Variants in CERS3 observed in about 807,000 individuals in gnomAD.
CERS3 encodes the protein LAG1 homolog, ceramide synthase 3.
In CERS3, 33 loss-of-function variants were observed where a neutral mutation model predicts 50.3. The observed-to-expected ratio is 0.66, with a 90% CI of 0.50 to 0.88. The LOEUF is 0.88. Among genes scored for constraint, CERS3 ranks in the 40% least tolerant of loss-of-function variants. CERS3 has a pLI of 0.00. For synonymous variants in CERS3, 176 were observed against 155.2 expected (o/e 1.13, Z -0.99); for missense variants, 470 against 460.3 (o/e 1.02, Z -0.19).
intron 1 of CERS3, among the ~76,000 whole-genome samples, chr15:100,525,525 T>C (rs368335756): frequency 6.6e-6 from 1 of 152,332 alleles, no homozygotes; most frequent in East Asian, 1.9e-4. Flanking sequence ...ATTATGATAA[T>C]AACAACCTTT....
chr15:100,473,776 G>A (rs757245550), intron 8 of CERS3, among the ~76,000 whole-genome samples: 1 of 152,146 alleles, frequency 6.6e-6, no homozygotes, highest in South Asian at 2.1e-4. Context: ...TTACCATATG[G>A]CCCAGCAATT....
At chr15:100,462,039 C>G (rs1450604582) in intron 10 of CERS3, among the ~76,000 whole-genome samples, 1 of 152,200 alleles carries the variant, frequency 6.6e-6, no homozygotes, top group East Asian at 1.9e-4. Context: ...CACGTGCATA[C>G]ATGTGTGCAG....
chr15:100,444,345 G>C (rs977137530), intron 11 of CERS3, among the ~76,000 whole-genome samples: 3 of 142,172 alleles, frequency 2.1e-5, no homozygotes, highest in East Asian at 2.1e-4. Context: ...TTCCTGGCCC[G>C]GACTTCAATC....
intron 2 of CERS3, among the ~76,000 whole-genome samples, chr15:100,507,604 G>A (rs1200311988): frequency 1.3e-5 from 2 of 152,182 alleles, no homozygotes; most frequent in African/African-American, 4.8e-5. Flanking sequence ...ATGTCATTTT[G>A]GACATGCCAC....
chr15:100,450,998 T>C (rs568082441), intron 11 of CERS3, among the ~76,000 whole-genome samples: 2 of 152,160 alleles, frequency 1.3e-5, no homozygotes, highest in Non-Finnish European at 2.9e-5. Context: ...TTTCCAGATA[T>C]GCAAAAACTA....
At chr15:100,417,278 A>ACTC (rs2032000013) in intron 11 of CERS3, among the ~76,000 whole-genome samples, 1 of 151,850 alleles carries the variant, frequency 6.6e-6, no homozygotes, top group African/African-American at 2.4e-5. Context: ...GGGAAGAGCA[A>ACTC]GGGGTCGGGG....
At chr15:100,509,288 C>T (rs1567672274) in intron 2 of CERS3, among the ~76,000 whole-genome samples, 1 of 152,176 alleles carries the variant, frequency 6.6e-6, no homozygotes, top group Non-Finnish European at 1.5e-5. Flanking sequence ...TTTGAAGCAA[C>T]ATTTTTGTAA....
rs141788052 is a variant in CERS3, at chr15:100,503,943, G to T, written c.-1-2093C>A. 1.2e-3 allele frequency: 420 copies of T among 358,116 alleles called. 1 individual carries two copies. The highest frequency in any genetic ancestry group is 8.1e-3 in the African/African-American group (380 of 47,044). The allele number at this position is 358,116 out of a possible 1,614,324, so 22.2% of individuals were successfully genotyped here. On this transcript the variant is annotated intron_variant, in intron 2 of 11. Transcript: ENST00000679737. ...AAAACTCAAGGGAGTGAAGGTCAAAGACATGTGTGTTGGGAGTGAGGCCCG... is the reference window on the plus strand; with the variant it reads ...AAAACTCAAGGGAGTGAAGGTCAAATACATGTGTGTTGGGAGTGAGGCCCG...
At chr15:100,470,826 G>A (rs11634135) in intron 9 of CERS3, among the ~76,000 whole-genome samples, 65,214 of 151,940 alleles carry the variant, frequency 0.43, 14,707 homozygotes, top group Middle Eastern at 0.52. Flanking sequence ...ACGAGTGAGA[G>A]TGGTAGATGT....
chr15:100,528,132 C>T (rs574287699), intron 1 of CERS3, among the ~76,000 whole-genome samples: 54 of 152,352 alleles, frequency 3.5e-4, no homozygotes, highest in Admixed American at 1.1e-3. Flanking sequence ...CTTAACAGAA[C>T]ATTCTTGCTA....
At chr15:100,537,540 A>C (rs2037103213) in intron 1 of CERS3, among the ~76,000 whole-genome samples, 1 of 152,200 alleles carries the variant, frequency 6.6e-6, no homozygotes, top group Non-Finnish European at 1.5e-5. Flanking sequence ...GAAGCAAGGC[A>C]GCAGAAAGGA....
intron 11 of CERS3, among the ~76,000 whole-genome samples, chr15:100,442,239 C>T (rs1339699644): frequency 6.6e-6 from 1 of 152,178 alleles, no homozygotes; most frequent in Admixed American, 6.5e-5. Flanking sequence ...AGACACTTTA[C>T]AGCCCTAGAC....
chr15:100,461,284 C>A (rs906193846), intron 10 of CERS3, among the ~76,000 whole-genome samples: 1 of 152,098 alleles, frequency 6.6e-6, no homozygotes, highest in Non-Finnish European at 1.5e-5. Flanking sequence ...ACTAGAGGCT[C>A]CCAGGAGACA....
intron 2 of CERS3, chr15:100,503,947 T>C (rs2036087980): frequency 5.6e-6 from 2 of 355,778 alleles, no homozygotes; most frequent in Non-Finnish European, 1.1e-5. Flanking sequence ...GTCAAAGACA[T>C]GTGTGTTGGG....
intron 11 of CERS3, among the ~76,000 whole-genome samples, chr15:100,443,135 C>T (rs1170640738): frequency 6.6e-6 from 1 of 151,330 alleles, no homozygotes; most frequent in African/African-American, 2.4e-5. Flanking sequence ...TCTTCCCAAT[C>T]CAAAGCCTCC....
intron 2 of CERS3, among the ~76,000 whole-genome samples, chr15:100,502,266 A>AG (rs2036032427): frequency 7.3e-6 from 1 of 136,684 alleles, no homozygotes; most frequent in African/African-American, 2.6e-5. Flanking sequence ...AAAAAAAAAA[A>AG]AAAAGAAAGA....
chr15:100,489,353 T>C (rs1382160202), intron 4 of CERS3, among the ~76,000 whole-genome samples: 2 of 152,152 alleles, frequency 1.3e-5, no homozygotes, highest in Non-Finnish European at 2.9e-5. Flanking sequence ...CTCATCTTAA[T>C]CATGAAAAAG....
chr15:100,502,216 G>T (rs2036027320), intron 2 of CERS3, among the ~76,000 whole-genome samples: 1 of 130,004 alleles, frequency 7.7e-6, no homozygotes, highest in African/African-American at 2.9e-5. Flanking sequence ...CTGTACTCCA[G>T]CCTGGCGACA....
Position 100,453,820 on chromosome 15 carries a change from C to T in CERS3, c.999+2073G>A, listed in dbSNP as rs531407789. Among the ~76,000 whole-genome samples the T allele has an allele frequency of 6.6e-5, 10 of 152,182 alleles. 1 individual carries two copies. The South Asian group carries it at 2.1e-3, about 32-fold the overall frequency. On this transcript the variant is annotated intron_variant, in intron 11 of 11. Coordinates refer to ENST00000679737, the MANE Select transcript of CERS3 (RefSeq NM_001378789.1). ...GTAAAGTTACAGGATACAAATTCAA[C>T]ATAAAAAATAGTGTCTATATATGAA...
Sources: gnomAD v4.1 joint callset for allele counts (sites outside exome capture counted in the v4.1 genomes callset) on GRCh38, gnomAD v4.1.1 for gene constraint, MANE v1.5 for transcripts, NCBI Gene and HGNC (gene_info 2026-07-23, HGNC 2026-07-21) for gene names.